TEAD1: variants seen among roughly 807,000 people sequenced by gnomAD.
TEAD1 encodes the protein TEA domain transcription factor 1.
TEAD1 carries 9 observed loss-of-function variants against 54.9 expected under a neutral mutation model. The ratio of observed to expected loss-of-function variants is 0.16; its 90% confidence interval spans 0.10 to 0.29. The LOEUF is 0.29. TEAD1 is among the 10% of genes least tolerant of loss of function. The probability of loss-of-function intolerance (pLI) is 1.00; values close to 1 mark genes in which losing one functional copy is unlikely to be tolerated. For synonymous variants in TEAD1, 200 were observed against 187.8 expected, an observed-to-expected ratio of 1.07 and a Z score of -0.53; for missense variants, 387 against 535.9, an observed-to-expected ratio of 0.72 and a Z score of 2.74.
chr11:12,890,239 A>G (rs1362457225), intron 9 of TEAD1, among the ~76,000 whole-genome samples: 4 of 152,188 alleles, frequency 2.6e-5, no homozygotes, highest in Non-Finnish European at 4.4e-5. Flanking sequence ...TTGAAGAAAT[A>G]AAGACAAAGT....
intron 9 of TEAD1, among the ~76,000 whole-genome samples, chr11:12,886,349 T>G (rs769450800): frequency 2.2e-4 from 33 of 152,208 alleles, no homozygotes; most frequent in Non-Finnish European, 2.6e-4. Context: ...ACCACATGAC[T>G]TAAAAGGCCC....
At chr11:12,734,783 A>T (rs575906215) in intron 2 of TEAD1, among the ~76,000 whole-genome samples, 1 of 152,222 alleles carries the variant, frequency 6.6e-6, no homozygotes, top group African/African-American at 2.4e-5. Context: ...AGGATATACC[A>T]TGTAGGTTTG....
intron 3 of TEAD1, among the ~76,000 whole-genome samples, chr11:12,840,714 T>C (rs1947019738): frequency 1.3e-5 from 2 of 152,164 alleles, no homozygotes; most frequent in South Asian, 4.1e-4. Context: ...CATTTTTCTC[T>C]GAGGTAGAAA....
chr11:12,884,551 G>A (rs1429118550), intron 9 of TEAD1, among the ~76,000 whole-genome samples: 1 of 152,154 alleles, frequency 6.6e-6, no homozygotes, highest in Non-Finnish European at 1.5e-5. Flanking sequence ...GCCTCCCGTG[G>A]GGCAGAGGGG....
intron 9 of TEAD1, among the ~76,000 whole-genome samples, chr11:12,883,736 A>G (rs1011434450): frequency 5.3e-5 from 8 of 152,156 alleles, no homozygotes; most frequent in Admixed American, 1.3e-4. Flanking sequence ...AGAAGTGGCC[A>G]GGCATGGTGG....
intron 2 of TEAD1, among the ~76,000 whole-genome samples, chr11:12,710,100 G>A (rs1943903638): frequency 6.6e-6 from 1 of 152,046 alleles, no homozygotes; most frequent in Admixed American, 6.6e-5. Context: ...GCTGAGGTAG[G>A]AGGGTCACTT....
intron 3 of TEAD1, among the ~76,000 whole-genome samples, chr11:12,767,160 T>C (rs1362148447): frequency 6.6e-6 from 1 of 152,068 alleles, no homozygotes; most frequent in Non-Finnish European, 1.5e-5. Context: ...CTTGGGAGTC[T>C]CCCTGTTGAG....
rs1161049888 is a variant in TEAD1, at chr11:12,753,494, T to A, written c.-54-10685T>A. Among the ~76,000 whole-genome samples, 4 of 152,238 alleles carry A rather than the reference T, an allele frequency of 2.6e-5. No homozygotes were observed. In the East Asian group the frequency reaches 5.8e-4, roughly 22 times the overall value. On this transcript the variant is annotated intron_variant, in intron 2 of 12. Coordinates refer to ENST00000527636, the MANE Select transcript of TEAD1 (RefSeq NM_021961.6). ...ATAGAGGTATCACATTGTTTTAATT[T>A]GCATTTCTTTAATAACTAGGCATGT...
At chr11:12,934,403 G>A (rs1460849566) in intron 12 of TEAD1, among the ~76,000 whole-genome samples, 6 of 152,100 alleles carry the variant, frequency 3.9e-5, no homozygotes, top group Non-Finnish European at 8.8e-5. Context: ...TGGGAGTAGA[G>A]GGGGAAGGGA....
Position 12,910,115 on chromosome 11 carries a change from A to G in TEAD1, c.873+8002A>G, listed in dbSNP as rs546230188. 9.8e-5 allele frequency among the ~76,000 whole-genome samples: 15 copies of G among 152,356 alleles called. No individual in the cohort carries two copies. In the South Asian group the frequency reaches 2.3e-3, roughly 23 times the overall value. ...GTGCAATTAATGTAACAAAATGTCA[A>G]CAGCCTTGGGAATTGATCATAGATT... On this transcript the variant is annotated intron_variant, in intron 10 of 12. Transcript: ENST00000527636.
intron 3 of TEAD1, among the ~76,000 whole-genome samples, chr11:12,792,213 T>G (rs1945817470): frequency 6.6e-6 from 1 of 152,158 alleles, no homozygotes; most frequent in African/African-American, 2.4e-5. Context: ...TCCCTCAAGC[T>G]GTGTTTGGTA....
chr11:12,695,624 A>G (rs1178800075), intron 2 of TEAD1, among the ~76,000 whole-genome samples: 1 of 152,214 alleles, frequency 6.6e-6, no homozygotes, highest in Admixed American at 6.5e-5. Context: ...CACACAGAGC[A>G]CAGCCCATGA....
At chr11:12,735,527 C>T (rs1238565744) in intron 2 of TEAD1, among the ~76,000 whole-genome samples, 2 of 151,818 alleles carry the variant, frequency 1.3e-5, no homozygotes, top group Middle Eastern at 3.4e-3. Context: ...TTGGGCTGAT[C>T]TCTGCCCGCC....
intron 3 of TEAD1, among the ~76,000 whole-genome samples, chr11:12,814,005 C>G (rs1165714984): frequency 6.6e-6 from 1 of 152,142 alleles, no homozygotes; most frequent in African/African-American, 2.4e-5. Flanking sequence ...GTTTCTTTCC[C>G]CATTGGCACA....
At chr11:12,718,069 T>C (rs1944103021) in intron 2 of TEAD1, among the ~76,000 whole-genome samples, 1 of 152,176 alleles carries the variant, frequency 6.6e-6, no homozygotes, top group Non-Finnish European at 1.5e-5. Context: ...TTTCTTAGCC[T>C]CTAACCTCAT....
chr11:12,787,775 T>G (rs1001763945), intron 3 of TEAD1, among the ~76,000 whole-genome samples: 3 of 152,202 alleles, frequency 2.0e-5, no homozygotes, highest in Non-Finnish European at 4.4e-5. Flanking sequence ...TGTACTTAAT[T>G]TCATAAAATT....
At chr11:12,850,293 T>C (rs955804543) in intron 3 of TEAD1, among the ~76,000 whole-genome samples, 13 of 152,060 alleles carry the variant, frequency 8.5e-5, no homozygotes, top group Admixed American at 2.0e-4. Context: ...ACAATTAGCC[T>C]GGCGTGGTGG....
chr11:12,769,107 T>G (rs1454211221), intron 3 of TEAD1, among the ~76,000 whole-genome samples: 1 of 152,098 alleles, frequency 6.6e-6, no homozygotes. Flanking sequence ...GACTTTCTCC[T>G]TTTGCAAGCA....
chr11:12,718,432 G>T (rs191645924), intron 2 of TEAD1, among the ~76,000 whole-genome samples: 281 of 152,324 alleles, frequency 1.8e-3, no homozygotes, highest in Non-Finnish European at 3.2e-3. Context: ...GGAAAGGTGT[G>T]ATTGCTGCTG....
Sources: allele counts gnomAD v4.1 joint callset (sites outside exome capture counted in the v4.1 genomes callset), GRCh38; gene constraint gnomAD v4.1.1; transcripts MANE v1.5; gene names NCBI Gene and HGNC (gene_info 2026-07-23, HGNC 2026-07-21).